FAT2: variants seen among roughly 807,000 people sequenced by gnomAD.
The protein encoded by FAT2 is protocadherin Fat 2.
FAT2 carries 150 observed loss-of-function variants against 295.3 expected under a neutral mutation model. That is an observed-to-expected ratio of 0.51 (90% confidence interval 0.44 to 0.58). FAT2 has a LOEUF of 0.58. FAT2 is among the 20% of genes least tolerant of loss of function. The pLI, the probability that FAT2 is intolerant of heterozygous loss-of-function variation, is 0.00. For synonymous variants in FAT2, 2,026 were observed against 2,150.3 expected, an observed-to-expected ratio of 0.94 and a Z score of 1.60; for missense variants, 4,868 against 5,442.7, an observed-to-expected ratio of 0.89 and a Z score of 3.32.
rs759213559 is a variant in FAT2, at chr5:151,512,396, A to T, written c.11674T>A (p.Leu3892Met). The change falls in exon 21 of 24, where the codon TTG becomes ATG. Residue 3892 changes from leucine (L) to methionine (M), a missense_variant. Coordinates refer to ENST00000261800, the MANE Select transcript of FAT2 (RefSeq NM_001447.3). This position sits in a 1 kb window ranked among gnomAD's most constrained non-coding sequence, Gnocchi z 4.1. The part of the protein sequence containing the change: ...CRGLRPERHL[L>M]LGGLILLHSS... ...TGCAACAGAATGAGGCCGCCCAGCAAGAGGTGCCTTTCGGGCCTCAGACCA... is the reference window on the plus strand; with the variant it reads ...TGCAACAGAATGAGGCCGCCCAGCATGAGGTGCCTTTCGGGCCTCAGACCA... The T allele has an allele frequency of 6.2e-6, 10 of 1,614,242 alleles. No individual in the cohort carries two copies. The South Asian group carries it at 1.1e-4, about 18-fold the overall frequency.
At chr5:151,577,305 A>G (rs1259739354) in intron 1 of FAT2, among the ~76,000 whole-genome samples, 1 of 152,218 alleles carries the variant, frequency 6.6e-6, no homozygotes, top group Non-Finnish European at 1.5e-5. Context: ...AAAAGGAACA[A>G]AGTTGGGGAT....
intron 1 of FAT2, among the ~76,000 whole-genome samples, chr5:151,583,044 G>A (rs530991041): frequency 3.0e-4 from 46 of 152,226 alleles, no homozygotes; most frequent in Non-Finnish European, 6.3e-4. Flanking sequence ...TCCAACCCCA[G>A]AGGCAGCTGT....
intron 20 of FAT2, among the ~76,000 whole-genome samples, chr5:151,515,598 G>A (rs1306468261): frequency 1.3e-5 from 2 of 152,150 alleles, no homozygotes; most frequent in Non-Finnish European, 2.9e-5. Flanking sequence ...CATTCTTCCA[G>A]TTGCCCAGGC....
Position 151,545,895 on chromosome 5 carries a change from C to G in FAT2, c.5232G>C (p.Val1744=). The part of the protein sequence containing the change: ...NMAGAFTDVM[V]VVDIIDENDN... ...CATTTTCATCAATTATGTCAACCAC[C>G]ACCATGACATCAGTAAATGCACCTG... Residue 1744 remains valine (V), a synonymous_variant, in exon 10 of 24, where the codon GTG becomes GTC. Transcript: ENST00000261800. The G allele has an allele frequency of 1.2e-6, 2 of 1,614,164 alleles. No individual in the cohort carries two copies. The highest frequency in any genetic ancestry group is 1.7e-6 in the Non-Finnish European group (2 of 1,180,028).
chr5:151,549,422 G>T lies in FAT2; in HGVS notation c.4662C>A (p.Arg1554=), dbSNP rs2127619403. 1 of 1,614,178 alleles carries T rather than the reference G, an allele frequency of 6.2e-7. No individual in the cohort carries two copies. The change falls in exon 9 of 24, where the codon CGC becomes CGA. Residue 1554 remains arginine, a synonymous_variant. Transcript: ENST00000261800. ...TTGCCTCATAATGGAGCTGAGTGAAGCGGGGTGGGTGGAGGTTTCCATCCT... is the reference window on the plus strand; with the variant it reads ...TTGCCTCATAATGGAGCTGAGTGAATCGGGGTGGGTGGAGGTTTCCATCCT... ...HVEDGNLHPP[R]FTQLHYEASV... is the part of the protein sequence containing the mutation.
chr5:151,512,352 G>A lies in FAT2; in HGVS notation c.11718C>T (p.Ser3906=). 2 of 1,614,220 alleles carry A rather than the reference G, an allele frequency of 1.2e-6. No homozygotes were observed. Among genetic ancestry groups the A allele is most frequent in the African/African-American group, 2.7e-5 (2 of 75,056 alleles). The part of the protein sequence containing the change: ...LILLHSSSNV[S]QGFEGCLDAV... ...CATCCAGGCAGCCTTCAAAGCCCTGGGAGACATTCGAGGAAGAATGCAACA... is the reference window on the plus strand; with the variant it reads ...CATCCAGGCAGCCTTCAAAGCCCTGAGAGACATTCGAGGAAGAATGCAACA... Residue 3906 remains serine (S), a synonymous_variant, in exon 21 of 24, where the codon TCC becomes TCT. Transcript: ENST00000261800. The surrounding 1 kb of genome is among the most constrained non-coding windows in gnomAD (Gnocchi z 4.1).
chr5:151,554,652 C>A lies in FAT2; in HGVS notation c.3655G>T (p.Glu1219Ter), dbSNP rs944692308. The A allele has an allele frequency of 6.2e-7, 1 of 1,613,492 alleles. No homozygotes were observed. The highest frequency in any genetic ancestry group is 2.2e-5 in the East Asian group (1 of 44,882). Residue 1219 changes from glutamate to a stop codon, truncating the protein, a stop_gained, in exon 5 of 24, where the codon GAA becomes TAA. Transcript: ENST00000261800. LOFTEE classifies it high-confidence loss of function. ...CTGGAGGTGGACTTCAGTGAGGGTT[C>A]CCCATTGTCCAGCACAGTCACCTGG... ...ILEVTVLDNG[E>*]PSLKSTSRVV...
Position 151,554,537 on chromosome 5 carries a change from G to A in FAT2, c.3770C>T (p.Pro1257Leu). Reference sequence around the variant, plus strand: ...CCTGTACACAGGCCCAGGGGACACAGGGCTCAGCCTCTCTGGAAGGCGGAC... The same window carrying A: ...CCTGTACACAGGCCCAGGGGACACAAGGCTCAGCCTCTCTGGAAGGCGGAC... ...FNVRLPERLS[P>L]VSPGPVYRLV... is the part of the protein sequence containing the mutation. Residue 1257 changes from proline to leucine, a missense_variant, in exon 5 of 24, where the codon CCT (proline) becomes CTT (leucine). This residue lies in a region of FAT2 where 3,297 missense variants were observed against 3,669.4 expected (regional missense o/e 0.90). Coordinates refer to ENST00000261800, the MANE Select transcript of FAT2 (RefSeq NM_001447.3). 1 of 1,614,214 alleles carries A rather than the reference G, an allele frequency of 6.2e-7. No homozygotes were observed. Among genetic ancestry groups the A allele is most frequent in the Non-Finnish European group, 8.5e-7 (1 of 1,180,038 alleles).
At position 151,568,666 on chromosome 5, in the gene FAT2, A is replaced by T; in HGVS notation, c.266T>A (p.Val89Glu). ...TATTCTTAGGAAGCAGAAGTTGCCC[A>T]CCACATACTCCTCAGTTTTAAATAC... Reference protein sequence around the residue: ...ANVFKTEEYVVGNFCFLRIRT... With the variant: ...ANVFKTEEYVEGNFCFLRIRT... Residue 89 changes from valine to glutamate, a missense_variant, in exon 2 of 24, where the codon GTG becomes GAG. Coordinates refer to ENST00000261800, the MANE Select transcript of FAT2 (RefSeq NM_001447.3). 1 of 1,614,184 alleles carries T rather than the reference A, an allele frequency of 6.2e-7. No homozygotes were observed. The highest frequency in any genetic ancestry group is 8.5e-7 in the Non-Finnish European group (1 of 1,180,026).
chr5:151,550,252 A>G (rs1757064283), intron 8 of FAT2, among the ~76,000 whole-genome samples: 1 of 152,160 alleles, frequency 6.6e-6, no homozygotes, highest in African/African-American at 2.4e-5. Context: ...CCTTGCTCTC[A>G]GTGGGAGAGG....
At chr5:151,572,277 A>G (rs1280447527) in intron 1 of FAT2, among the ~76,000 whole-genome samples, 1 of 152,104 alleles carries the variant, frequency 6.6e-6, no homozygotes, top group Non-Finnish European at 1.5e-5. Context: ...GGCTCAATCA[A>G]TACTAGTTGA....
rs775312585 is a variant in FAT2, at chr5:151,568,911, A to C, written c.21T>G (p.Gly7=). MTIALL[G]FAIFLLHCAT... is the part of the protein sequence containing the mutation. ...CACAATGGAGCAAGAATATGGCAAAACCCAGCAGGGCAATAGTCATGGTGG... is the reference window on the plus strand; with the variant it reads ...CACAATGGAGCAAGAATATGGCAAACCCCAGCAGGGCAATAGTCATGGTGG... The change falls in exon 2 of 24, where the codon GGT becomes GGG. Residue 7 remains glycine, a synonymous_variant. Transcript: ENST00000261800. 3 of 1,610,524 alleles carry C rather than the reference A, an allele frequency of 1.9e-6. No homozygotes were observed. The highest frequency in any genetic ancestry group is 1.7e-6 in the Non-Finnish European group (2 of 1,178,316).
upstream of FAT2, among the ~76,000 whole-genome samples, chr5:151,593,541 A>G (rs1561895242): frequency 6.6e-6 from 1 of 152,146 alleles, no homozygotes; most frequent in Non-Finnish European, 1.5e-5. Context: ...CACCAGGGAA[A>G]TTGACTCCTA....
Position 151,544,526 on chromosome 5 carries a change from G to C in FAT2, c.6601C>G (p.Leu2201Val), listed in dbSNP as rs145582772. 1.2e-6 allele frequency: 2 copies of C among 1,614,076 alleles called. No individual in the cohort carries two copies. Among genetic ancestry groups the C allele is most frequent in the South Asian group, 2.2e-5 (2 of 91,074 alleles). Residue 2201 changes from leucine to valine, a missense_variant, in exon 10 of 24, where the codon CTC becomes GTC. Leu to Val is a conservative substitution (Grantham distance 32, BLOSUM62 1). This residue lies in a region of FAT2 where 3,297 missense variants were observed against 3,669.4 expected (regional missense o/e 0.90). Coordinates refer to ENST00000261800, the MANE Select transcript of FAT2 (RefSeq NM_001447.3). ...TCCACAATGTTGTAGATGAGCCGGAGTCCCTCTGGACTCCGGGCCTGGGTG... is the reference window on the plus strand; with the variant it reads ...TCCACAATGTTGTAGATGAGCCGGACTCCCTCTGGACTCCGGGCCTGGGTG... ...LHTQARSPEG[L>V]RLIYNIVEEE...
intron 22 of FAT2, 126 bp from the exon 23 acceptor site, chr5:151,507,737 A>C (rs977130162): frequency 1.8e-5 from 15 of 826,354 alleles, no homozygotes; most frequent in Middle Eastern, 3.7e-4. Context: ...TTCACCCCCC[A>C]AAAAAGTAAC....
chr5:151,560,457 C>G (rs1185080692), intron 3 of FAT2, among the ~76,000 whole-genome samples: 4 of 152,184 alleles, frequency 2.6e-5, no homozygotes, highest in Admixed American at 2.6e-4. Flanking sequence ...GTCTTCCTCC[C>G]TCTCAGATAG....
rs770065391 is a variant in FAT2 at position 151,521,462 on chromosome 5, C to T, written c.11131G>A (p.Glu3711Lys). 57 of 1,614,114 alleles carry T rather than the reference C, an allele frequency of 3.5e-5. No individual in the cohort carries two copies. Among genetic ancestry groups the T allele is most frequent in the Admixed American group, 6.7e-5 (4 of 60,016 alleles). ...CGCATCTGAACCCCCACTGAATGCT[C>T]CATCTCCTTGGCTGAGTGAGTGATG... ...SIITHSAKEM[E>K]HSVGVQMRSA... Residue 3711 changes from glutamate to lysine, a missense_variant, in exon 19 of 24, where the codon GAG becomes AAG. By Grantham distance (56) the Glu-to-Lys change is moderately conservative. This residue lies in a region of FAT2 where 1,046 missense variants were observed against 1,210.1 expected (regional missense o/e 0.86). Transcript: ENST00000261800.
intron 4 of FAT2, among the ~76,000 whole-genome samples, chr5:151,555,384 T>TG (rs1340294558): frequency 1.3e-5 from 2 of 148,802 alleles, no homozygotes; most frequent in Admixed American, 1.3e-4. Context: ...TTTTTTTTTT[T>TG]TTTTGAGACT....
rs765007349 is a variant in FAT2, at chr5:151,544,338, C to A, written c.6789G>T (p.Glu2263Asp). ...FSEATVEVLV[E>D]DVNDNPPTFS... ...AAGTGGGAGGGTTATCATTGACATCCTCCACTAGGACTTCCACTGTGGCTT... is the reference window on the plus strand; with the variant it reads ...AAGTGGGAGGGTTATCATTGACATCATCCACTAGGACTTCCACTGTGGCTT... Residue 2263 changes from glutamate to aspartate, a missense_variant, in exon 10 of 24, where the codon GAG becomes GAT. Around this residue, in one of 5 missense-constraint regions of FAT2, gnomAD observed 3,297 missense variants for 3,669.4 expected, o/e 0.90. Coordinates refer to ENST00000261800, the MANE Select transcript of FAT2 (RefSeq NM_001447.3). The A allele has an allele frequency of 6.2e-7, 1 of 1,614,200 alleles. No individual in the cohort carries two copies.
Sources: allele counts gnomAD v4.1 joint callset (sites outside exome capture counted in the v4.1 genomes callset), GRCh38; gene constraint gnomAD v4.1.1; regional missense constraint gnomAD v4.1.1; non-coding constraint Gnocchi (gnomAD v3.1); transcripts MANE v1.5; gene names NCBI Gene and HGNC (gene_info 2026-07-23, HGNC 2026-07-21).